MATR3: variants seen among roughly 807,000 people sequenced by gnomAD.
MATR3 encodes the protein matrin-3.
MATR3 carries 4 observed loss-of-function variants against 85.5 expected under a neutral mutation model. The observed-to-expected ratio is 0.05, with a 90% CI of 0.02 to 0.11. The LOEUF (loss-of-function observed/expected upper bound fraction) is 0.11, where lower values mean the gene tolerates loss of function less well. Among genes scored for constraint, MATR3 ranks in the 10% least tolerant of loss-of-function variants. The pLI is 1.00. For synonymous variants in MATR3, 336 were observed against 343.1 expected, an observed-to-expected ratio of 0.98 and a Z score of 0.23; for missense variants, 685 against 1,016.1, an observed-to-expected ratio of 0.67 and a Z score of 4.43.
At chr5:139,295,111 A>T (rs1047246832) in intron 1 of MATR3, 3 of 152,232 alleles carry the variant, frequency 2.0e-5, no homozygotes, top group Non-Finnish European at 4.4e-5. Context: ...TAAACAGTTG[A>T]CTATGCGGAC....
intron 1 of MATR3, among the ~76,000 whole-genome samples, chr5:139,300,557 T>C (rs1298169298): frequency 6.6e-6 from 1 of 152,168 alleles, no homozygotes; most frequent in Non-Finnish European, 1.5e-5. Context: ...TAAAGAAAAA[T>C]AGATTTTACC....
At chr5:139,326,125 T>C in intron 13 of MATR3, 38 bp from the exon 14 acceptor site, 1 of 1,507,032 alleles carries the variant, frequency 6.6e-7, no homozygotes, top group Non-Finnish European at 9.2e-7. Context: ...AATAAAATCT[T>C]CAGTTTAATT....
At chr5:139,289,827 T>C (rs1199518114), upstream of MATR3, among the ~76,000 whole-genome samples, 2 of 152,244 alleles carry the variant, frequency 1.3e-5, no homozygotes, top group Non-Finnish European at 2.9e-5. Flanking sequence ...TTGAGTACTT[T>C]TTGTCTTCCT....
chr5:139,291,473 A>C (rs1753867803), upstream of MATR3, among the ~76,000 whole-genome samples: 1 of 152,250 alleles, frequency 6.6e-6, no homozygotes, highest in African/African-American at 2.4e-5. Flanking sequence ...AGATAAAGTA[A>C]TATTGTGAAT....
chr5:139,314,704 T>C lies in MATR3; in HGVS notation c.942T>C (p.Ser314=), dbSNP rs1755156421. The part of the protein sequence containing the change: ...KEWSQHINGA[S]HSRRCQLLLE... ...GGAGTCAACATATCAATGGAGCAAG[T>C]CACAGTCGTCGATGCCAGCTTCTTC... is the stretch of plus-strand genomic sequence containing the variant. The change falls in exon 3 of 15, where the codon AGT becomes AGC. Residue 314 remains serine, a synonymous_variant. Transcript: ENST00000394805. 6.2e-7 allele frequency: 1 copy of C among 1,613,798 alleles called. No individual in the cohort carries two copies. Among genetic ancestry groups the C allele is most frequent in the South Asian group, 1.1e-5 (1 of 91,088 alleles).
Position 139,315,723 on chromosome 5 carries a change from A to T in MATR3, c.1001A>T (p.Asp334Val). The T allele has an allele frequency of 6.2e-7, 1 of 1,611,376 alleles. No homozygotes were observed. Among genetic ancestry groups the T allele is most frequent in the Non-Finnish European group, 8.5e-7 (1 of 1,177,692 alleles). The change falls in exon 4 of 15, where the codon GAT (aspartate) becomes GTT (valine). Residue 334 changes from aspartate (D) to valine (V), a missense_variant. Asp to Val is a radical substitution (Grantham distance 152). Coordinates refer to ENST00000394805, the MANE Select transcript of MATR3 (RefSeq NM_018834.6). ...TACCCAGAATGGAATCCTGACAATG[A>T]TACAGGACACACAATGTAAGTTAAA... is the stretch of plus-strand genomic sequence containing the variant. ...EIYPEWNPDN[D>V]TGHTMGDPFM...
At chr5:139,283,060 G>C in intron 3 of MATR3, 1 of 152,278 alleles carries the variant, frequency 6.6e-6, no homozygotes, top group Non-Finnish European at 1.5e-5. Flanking sequence ...GTCATGTAGA[G>C]AATAGTGGTT....
At chr5:139,324,628 G>A (rs967967045) in intron 12 of MATR3, among the ~76,000 whole-genome samples, 1 of 152,052 alleles carries the variant, frequency 6.6e-6, no homozygotes, top group African/African-American at 2.4e-5. Context: ...CACTGTTTGA[G>A]TATTTGCTCT....
Position 139,330,647 on chromosome 5 carries a change from G to C in MATR3, c.*1252G>C, listed in dbSNP as rs1354125262. 2.2e-6 allele frequency: 1 copy of C among 453,950 alleles called. No individual in the cohort carries two copies. The highest frequency in any genetic ancestry group is 2.0e-5 in the African/African-American group (1 of 49,992). The allele number at this position is 453,950 out of a possible 1,614,324, so 28.1% of individuals were successfully genotyped here. A position where few individuals can be genotyped will look rare whatever the true frequency, so the allele number is the denominator to read the frequency against. On this transcript the variant is annotated 3_prime_UTR_variant, in exon 15 of 15. Coordinates refer to ENST00000394805, the MANE Select transcript of MATR3 (RefSeq NM_018834.6). ...TTTAAAAACCTTATGAATTAAAAATGCTACAGGTGAACAAACAGAAGCTTA... is the reference window on the plus strand; with the variant it reads ...TTTAAAAACCTTATGAATTAAAAATCCTACAGGTGAACAAACAGAAGCTTA...
upstream of MATR3, among the ~76,000 whole-genome samples, chr5:139,291,615 C>T (rs1032116957): frequency 9.2e-5 from 14 of 152,096 alleles, no homozygotes; most frequent in African/African-American, 3.4e-4. Flanking sequence ...TTGGCTTCAC[C>T]GCAACCTCCG....
chr5:139,274,143 G>A (rs550233308), exon 1 of MATR3: 42 of 436,788 alleles, frequency 9.6e-5, no homozygotes, highest in South Asian at 6.7e-4. Context: ...GCGCCCTGCG[G>A]AGCTCCGAAC....
At chr5:139,281,009 T>G (rs1173807894) in intron 3 of MATR3, among the ~76,000 whole-genome samples, 1 of 152,118 alleles carries the variant, frequency 6.6e-6, no homozygotes, top group African/African-American at 2.4e-5. Flanking sequence ...CTAAGAAGAT[T>G]AGTTTTTAAA....
intron 2 of MATR3, 39 bp from the exon 3 acceptor site, chr5:139,314,636 C>G: frequency 6.5e-7 from 1 of 1,528,038 alleles, no homozygotes; most frequent in Non-Finnish European, 9.1e-7. Flanking sequence ...AATATTTCAG[C>G]TTTATTTTTG....
intron 2 of MATR3, among the ~76,000 whole-genome samples, chr5:139,276,531 A>C (rs953990027): frequency 2.0e-5 from 3 of 152,236 alleles, no homozygotes; most frequent in Non-Finnish European, 4.4e-5. Context: ...GCTTGCATTA[A>C]GGTTTAATCT....
upstream of MATR3, among the ~76,000 whole-genome samples, chr5:139,292,322 C>T (rs1397750077): frequency 1.3e-5 from 2 of 152,120 alleles, no homozygotes; most frequent in Non-Finnish European, 1.5e-5. Context: ...ACAGTAGCCG[C>T]CTCTCAAGGT....
intron 2 of MATR3, among the ~76,000 whole-genome samples, chr5:139,309,272 A>C (rs189413446): frequency 1.3e-5 from 2 of 152,240 alleles, no homozygotes; most frequent in Admixed American, 1.3e-4. Flanking sequence ...ATAGCACCCC[A>C]CTAGCTTGAT....
chr5:139,276,323 T>TG, intron 2 of MATR3: 1 of 427,704 alleles, frequency 2.3e-6, no homozygotes, highest in Non-Finnish European at 4.8e-6. Context: ...CCAGCATAGT[T>TG]GCTTATCCAT....
upstream of MATR3, among the ~76,000 whole-genome samples, chr5:139,292,552 A>C (rs1211190504): frequency 6.6e-6 from 1 of 152,204 alleles, no homozygotes; most frequent in Non-Finnish European, 1.5e-5. Context: ...GTACCTAACC[A>C]GTACCTCAGT....
chr5:139,303,839 G>C (rs1268409756), intron 1 of MATR3, among the ~76,000 whole-genome samples: 1 of 152,012 alleles, frequency 6.6e-6, no homozygotes, highest in Non-Finnish European at 1.5e-5. Flanking sequence ...AATTCTGCTA[G>C]ATATTACTCT....
Sources: allele counts gnomAD v4.1 joint callset (sites outside exome capture counted in the v4.1 genomes callset), GRCh38; gene constraint gnomAD v4.1.1; transcripts MANE v1.5; gene names NCBI Gene and HGNC (gene_info 2026-07-23, HGNC 2026-07-21).